Variants in BAZ2B observed in about 807,000 individuals in gnomAD.
BAZ2B encodes the protein bromodomain adjacent to zinc finger domain 2B, also known as bromodomain adjacent to zinc finger domain protein 2B.
Under a neutral mutation model 246.0 loss-of-function variants are expected in BAZ2B, and 91 were observed. That is an observed-to-expected ratio of 0.37 (90% CI 0.31 to 0.44). The LOEUF is 0.44. Ranked by LOEUF, BAZ2B falls within the 20% of genes least tolerant of loss-of-function variation. The pLI is 1.00. For synonymous variants in BAZ2B, 855 were observed against 860.0 expected (o/e 0.99, Z 0.10); for missense variants, 2,332 against 2,533.7 (o/e 0.92, Z 1.71).
chr2:159,632,494 C>G, the BAZ2B span, among the ~76,000 whole-genome samples: 1 of 152,162 alleles, frequency 6.6e-6, no homozygotes, highest in African/African-American at 2.4e-5. Context: ...TCTTACTCTA[C>G]TATTATGTAT....
At chr2:159,423,807 C>T (rs62173171) in intron 13 of BAZ2B, among the ~76,000 whole-genome samples, 50,449 of 152,166 alleles carry the variant, frequency 0.33, 9,937 homozygotes, top group Non-Finnish European at 0.47. Context: ...GAGAGCTAAA[C>T]ATTGAATATC....
At chr2:159,643,735 G>A in the BAZ2B span, among the ~76,000 whole-genome samples, 1 of 151,968 alleles carries the variant, frequency 6.6e-6, no homozygotes, top group Non-Finnish European at 1.5e-5. Flanking sequence ...AATTAGCCAG[G>A]TGTGGTGGCG....
chr2:159,665,013 C>G, the BAZ2B span, among the ~76,000 whole-genome samples: 2 of 149,506 alleles, frequency 1.3e-5, no homozygotes, highest in Non-Finnish European at 3.0e-5. Context: ...TCTCAGGATA[C>G]AAAATCAATG....
chr2:159,577,093 T>C (rs2151605751), intron 1 of BAZ2B, among the ~76,000 whole-genome samples: 1 of 151,806 alleles, frequency 6.6e-6, no homozygotes, highest in Middle Eastern at 3.4e-3. Context: ...TTGGGTGCAG[T>C]GGTGTATGCC....
At chr2:159,570,183 T>G (rs1308466622) in intron 1 of BAZ2B, among the ~76,000 whole-genome samples, 1 of 32,814 alleles carries the variant, frequency 3.0e-5, no homozygotes, top group African/African-American at 1.9e-4. Flanking sequence ...TTTTTTTTTG[T>G]TTTTTTTGTT....
At position 159,373,203 on chromosome 2, in the gene BAZ2B, G is replaced by C. The variant is rs1406736470; in HGVS notation, c.4069-14C>G. The C allele has an allele frequency of 1.3e-6, 2 of 1,596,578 alleles. No individual in the cohort carries two copies. Among genetic ancestry groups the C allele is most frequent in the Non-Finnish European group, 1.7e-6 (2 of 1,172,324 alleles). On this transcript the variant is annotated splice_polypyrimidine_tract_variant and intron_variant, in intron 26 of 36. Transcript: ENST00000392783. ...CTGACTCTGTTGCTGTTAAAAAAAT[G>C]GTACATATAATTAGGTTTGGGATGT...
the BAZ2B span, among the ~76,000 whole-genome samples, chr2:159,697,060 AC>A: frequency 6.6e-6 from 1 of 152,212 alleles, no homozygotes; most frequent in Non-Finnish European, 1.5e-5. Context: ...TGCTGGGATT[AC>A]AGGTGTGAGT....
At chr2:159,704,895 G>A in the BAZ2B span, among the ~76,000 whole-genome samples, 1 of 151,970 alleles carries the variant, frequency 6.6e-6, no homozygotes, top group Non-Finnish European at 1.5e-5. Flanking sequence ...ATAGAGACGA[G>A]GTTTCACCGT....
chr2:159,599,097 G>A (rs1691461356), intron 1 of BAZ2B, among the ~76,000 whole-genome samples: 3 of 152,000 alleles, frequency 2.0e-5, no homozygotes, highest in Non-Finnish European at 4.4e-5. Context: ...GGGCTTGGGG[G>A]CACACGCCTG....
intron 23 of BAZ2B, among the ~76,000 whole-genome samples, chr2:159,384,358 G>A (rs1034467613): frequency 5.3e-5 from 8 of 151,980 alleles, no homozygotes; most frequent in Admixed American, 3.3e-4. Context: ...TAGGATGACT[G>A]TCAGTGAATA....
chr2:159,329,991 TATAAG>T (rs1575655996), intron 34 of BAZ2B, among the ~76,000 whole-genome samples: 1 of 152,230 alleles, frequency 6.6e-6, no homozygotes, highest in Admixed American at 6.5e-5. Flanking sequence ...GTTATGAAGT[TATAAG>T]ATAATTTTAT....
Position 159,413,513 on chromosome 2 carries a change from GC to G in BAZ2B, c.2467-969del, listed in dbSNP as rs1241098756. ...ACCTGAGGTCAGGAGTTCGAGACCAGCCTGGCCAACATGGTGAAACCCCGTC... is the reference window on the plus strand; with the variant it reads ...ACCTGAGGTCAGGAGTTCGAGACCAGCTGGCCAACATGGTGAAACCCCGTC... On this transcript the variant is annotated intron_variant, in intron 13 of 36. Coordinates refer to ENST00000392783, the MANE Select transcript of BAZ2B (RefSeq NM_013450.4). 7.9e-5 allele frequency among the ~76,000 whole-genome samples: 12 copies of G among 152,164 alleles called. No homozygotes were observed. In the East Asian group the frequency reaches 1.4e-3, roughly 17 times the overall value.
rs1173314491 is a variant in BAZ2B, at chr2:159,610,478, G to C, written c.-46+5764C>G. 2.0e-5 allele frequency among the ~76,000 whole-genome samples: 3 copies of C among 152,332 alleles called. No homozygotes were observed. In the East Asian group the frequency reaches 5.8e-4, roughly 29 times the overall value. On this transcript the variant is annotated intron_variant, in intron 1 of 36. Coordinates refer to ENST00000392783, the MANE Select transcript of BAZ2B (RefSeq NM_013450.4). ...CACCGTCTTTGATTAATGAGTGCAT[G>C]TTTGTGGAAAAGTGTTAAGAGGAGA...
chr2:159,591,511 T>G (rs1365667717), intron 1 of BAZ2B, among the ~76,000 whole-genome samples: 2 of 152,198 alleles, frequency 1.3e-5, no homozygotes, highest in East Asian at 3.8e-4. Flanking sequence ...AAGTATTGAA[T>G]GGCATATACA....
intron 1 of BAZ2B, among the ~76,000 whole-genome samples, chr2:159,567,293 T>G (rs1041776507): frequency 2.0e-5 from 3 of 152,186 alleles, no homozygotes; most frequent in Admixed American, 6.5e-5. Flanking sequence ...GGGGGGAACC[T>G]ATAAATACAT....
intron 1 of BAZ2B, among the ~76,000 whole-genome samples, chr2:159,592,286 G>A (rs1285284042): frequency 1.3e-5 from 2 of 152,132 alleles, no homozygotes; most frequent in African/African-American, 4.8e-5. Context: ...TGTTAAGTCT[G>A]TAAATATTCA....
chr2:159,571,677 A>G (rs1254244719), intron 1 of BAZ2B, among the ~76,000 whole-genome samples: 1 of 152,202 alleles, frequency 6.6e-6, no homozygotes, highest in African/African-American at 2.4e-5. Flanking sequence ...CAGAATGGGT[A>G]GTTTATAAAT....
intron 1 of BAZ2B, among the ~76,000 whole-genome samples, chr2:159,580,828 A>G (rs1200981818): frequency 6.6e-6 from 1 of 152,182 alleles, no homozygotes; most frequent in African/African-American, 2.4e-5. Context: ...AGGATTCCCT[A>G]TTTAATAAAT....
chr2:159,679,232 G>A, the BAZ2B span, among the ~76,000 whole-genome samples: 25 of 133,678 alleles, frequency 1.9e-4, no homozygotes, highest in South Asian at 4.7e-4. Flanking sequence ...AGATTGCTCC[G>A]CTGCACTCCA....
Sources: gnomAD v4.1 joint callset for allele counts (sites outside exome capture counted in the v4.1 genomes callset) on GRCh38, gnomAD v4.1.1 for gene constraint, MANE v1.5 for transcripts, NCBI Gene and HGNC (gene_info 2026-07-23, HGNC 2026-07-21) for gene names.